The following MECOM variants were observed in gnomAD, a reference collection of about 807,000 sequenced individuals.
The protein encoded by MECOM is MDS1 and EVI1 complex locus, also known as histone-lysine N-methyltransferase MECOM.
In MECOM, 13 loss-of-function variants were observed where a neutral mutation model predicts 116.3. The ratio of observed to expected loss-of-function variants is 0.11; its 90% CI spans 0.07 to 0.18. MECOM has a LOEUF of 0.18. Ranked by LOEUF, MECOM falls within the 10% of genes least tolerant of loss-of-function variation. MECOM has a pLI of 1.00. For synonymous variants in MECOM, 528 were observed against 535.2 expected (o/e 0.99, Z 0.19); for missense variants, 1,299 against 1,509.0 (o/e 0.86, Z 2.31).
At chr3:169,088,824 C>T (rs1576824360) in intron 16 of MECOM, among the ~76,000 whole-genome samples, 176 bp downstream of exon 16, 1 of 152,058 alleles carries the variant, frequency 6.6e-6, no homozygotes, top group East Asian at 1.9e-4. Context: ...TCTTGCTTAA[C>T]TATTTTGGAT....
At chr3:169,264,957 G>A (rs377272294) in intron 2 of MECOM, among the ~76,000 whole-genome samples, 2 of 151,970 alleles carry the variant, frequency 1.3e-5, no homozygotes, top group South Asian at 2.1e-4. Context: ...CTGTTGCTTC[G>A]AGTAGTTACA....
At chr3:169,507,740 C>A (rs1445770618) in intron 1 of MECOM, among the ~76,000 whole-genome samples, 1 of 140,942 alleles carries the variant, frequency 7.1e-6, no homozygotes, top group Non-Finnish European at 1.5e-5. Flanking sequence ...CGGCTCACTG[C>A]AAGCTCCGCC....
At chr3:169,378,449 GAAGGAAAGCAAGCA>G (rs1731555652) in intron 2 of MECOM, among the ~76,000 whole-genome samples, 1 of 59,622 alleles carries the variant, frequency 1.7e-5, no homozygotes, top group African/African-American at 1.1e-4. Flanking sequence ...AAGAAAGAAA[GAAGGAAAGCAAGCA>G]AGCAAGCAAG....
At chr3:169,619,236 G>C (rs1443246058) in intron 1 of MECOM, among the ~76,000 whole-genome samples, 2 of 152,178 alleles carry the variant, frequency 1.3e-5, no homozygotes, top group Non-Finnish European at 2.9e-5. Context: ...ATCCCCAGTC[G>C]GGCTGGATAT....
At chr3:169,607,175 C>A (rs1349649435) in intron 1 of MECOM, among the ~76,000 whole-genome samples, 2 of 152,310 alleles carry the variant, frequency 1.3e-5, no homozygotes, top group Non-Finnish European at 1.5e-5. Flanking sequence ...TAATAATTCT[C>A]CCAAGCGCCA....
At chr3:169,321,770 C>T (rs1720908347) in intron 2 of MECOM, among the ~76,000 whole-genome samples, 4 of 152,002 alleles carry the variant, frequency 2.6e-5, no homozygotes, top group Admixed American at 2.0e-4. Flanking sequence ...AGTACAGATA[C>T]AAGGTTCAAT....
rs563507820 is a variant in MECOM at position 169,246,514 on chromosome 3, C to T, written c.376-102682G>A. Among the ~76,000 whole-genome samples, 7 of 150,622 alleles carry T rather than the reference C, an allele frequency of 4.6e-5. No homozygotes were observed. In the South Asian group the frequency reaches 8.4e-4, roughly 18 times the overall value. On this transcript the variant is annotated intron_variant, in intron 2 of 16. Coordinates refer to ENST00000651503, the MANE Select transcript of MECOM (RefSeq NM_004991.4). The stretch of plus-strand genomic sequence containing the variant: ...AGATTATCTCATCTATCAACTGAAA[C>T]AGTACACATACACTTTTTTTTTTTT...
At chr3:169,281,922 T>C (rs762040232) in intron 2 of MECOM, among the ~76,000 whole-genome samples, 16 of 152,236 alleles carry the variant, frequency 1.1e-4, no homozygotes, top group Non-Finnish European at 2.1e-4. Context: ...GTTTTTGTTG[T>C]TGTTTTGCAC....
intron 1 of MECOM, among the ~76,000 whole-genome samples, chr3:169,447,363 C>G (rs1744821897): frequency 6.6e-6 from 1 of 152,008 alleles, no homozygotes; most frequent in Admixed American, 6.6e-5. Flanking sequence ...GGGGAGGGAA[C>G]AGATGAATAA....
At chr3:169,376,442 C>A (rs1477462028) in intron 2 of MECOM, among the ~76,000 whole-genome samples, 1 of 152,094 alleles carries the variant, frequency 6.6e-6, no homozygotes, top group African/African-American at 2.4e-5. Flanking sequence ...ATCGTCTAAG[C>A]CCAAAAACTC....
At chr3:169,421,710 TCTTA>T (rs1739778926) in intron 1 of MECOM, among the ~76,000 whole-genome samples, 1 of 152,100 alleles carries the variant, frequency 6.6e-6, no homozygotes, top group South Asian at 2.1e-4. Flanking sequence ...CAAAACGATT[TCTTA>T]CTTCTTCATG....
At chr3:169,245,010 A>T (rs2149563770) in intron 2 of MECOM, among the ~76,000 whole-genome samples, 1 of 152,312 alleles carries the variant, frequency 6.6e-6, no homozygotes, top group East Asian at 1.9e-4. Context: ...TTAAAAATAG[A>T]TATAGTAACC....
rs1251714453 is a variant in MECOM at position 169,378,538 on chromosome 3, GAA to G, written c.375+2647_375+2648del. On this transcript the variant is annotated intron_variant, in intron 2 of 16. Transcript: ENST00000651503. ...GAAAAGAAAGAAAGAAAGAAAGAAAGAAAGAAAGAAAGAAAGAAAGAAAGAAA... is the reference window on the plus strand; with the variant it reads ...GAAAAGAAAGAAAGAAAGAAAGAAAGAGAAAGAAAGAAAGAAAGAAAGAAA... Among the ~76,000 whole-genome samples, 21 of 109,378 alleles carry G rather than the reference GAA, an allele frequency of 1.9e-4. 3 individuals carry two copies. The highest frequency in any genetic ancestry group is 7.3e-4 in the African/African-American group (18 of 24,660). The allele number at this position is 109,378 out of a possible 152,430, so 71.8% of individuals were successfully genotyped here.
chr3:169,625,054 G>A (rs1378805935), intron 1 of MECOM, among the ~76,000 whole-genome samples: 3 of 151,120 alleles, frequency 2.0e-5, no homozygotes, highest in African/African-American at 7.3e-5. Flanking sequence ...AAAAAAGAAA[G>A]GAAGAAGGAA....
intron 2 of MECOM, among the ~76,000 whole-genome samples, chr3:169,358,266 C>T (rs934250869): frequency 5.9e-5 from 9 of 151,646 alleles, no homozygotes; most frequent in African/African-American, 2.2e-4. Flanking sequence ...TTTTACATTT[C>T]AGCGCTAACA....
intron 5 of MECOM, among the ~76,000 whole-genome samples, chr3:169,124,857 T>A (rs920381029): frequency 6.6e-6 from 1 of 152,134 alleles, no homozygotes; most frequent in Non-Finnish European, 1.5e-5. Context: ...TTATTTTCTT[T>A]TATTTCTTTG....
intron 1 of MECOM, among the ~76,000 whole-genome samples, chr3:169,622,192 C>T (rs572156053): frequency 3.3e-5 from 5 of 152,188 alleles, no homozygotes; most frequent in East Asian, 3.9e-4. Flanking sequence ...TAGGTTCAAG[C>T]GATTCTCCTG....
intron 2 of MECOM, among the ~76,000 whole-genome samples, chr3:169,366,068 CT>C: frequency 6.6e-6 from 1 of 152,154 alleles, no homozygotes. Context: ...TTCTCTTGCT[CT>C]CTGGTTCTCT....
At position 169,591,167 on chromosome 3, in the gene MECOM, G is replaced by A. The variant is rs1766356931; in HGVS notation, c.37+72169C>T. Among the ~76,000 whole-genome samples the A allele has an allele frequency of 2.6e-5, 4 of 152,180 alleles. No individual in the cohort carries two copies. The South Asian group carries it at 6.2e-4, about 24-fold the overall frequency. ...GAAAACTCCAGACCCTACCAGGACT[G>A]TGGCAATCCTCTCAGCCCTCTCGCT... On this transcript the variant is annotated intron_variant, in intron 1 of 16. Coordinates refer to ENST00000651503, the MANE Select transcript of MECOM (RefSeq NM_004991.4).
Sources: gnomAD v4.1 joint callset for allele counts (sites outside exome capture counted in the v4.1 genomes callset) on GRCh38, gnomAD v4.1.1 for gene constraint, MANE v1.5 for transcripts, NCBI Gene and HGNC (gene_info 2026-07-23, HGNC 2026-07-21) for gene names.